ZNF790: variants seen among roughly 807,000 people sequenced by gnomAD.
ZNF790 encodes the protein zinc finger protein 790.
ZNF790 carries 8 observed loss-of-function variants against 12.1 expected under a neutral mutation model. The observed-to-expected ratio is 0.66, with a 90% CI of 0.39 to 1.19. The LOEUF is 1.19. Ranked by LOEUF, ZNF790 falls within the 50% of genes most tolerant of loss-of-function variation. ZNF790 has a pLI of 0.01. For synonymous variants in ZNF790, 252 were observed against 244.3 expected (o/e 1.03, Z -0.29); for missense variants, 707 against 752.2 (o/e 0.94, Z 0.70).
chr19:36,825,472 A>T, intron 2 of ZNF790, 139 bp downstream of exon 2: 1 of 924,216 alleles, frequency 1.1e-6, no homozygotes, highest in South Asian at 1.4e-5. Context: ...ATCTAGGGAA[A>T]GCATTGGACT....
At chr19:36,841,624 A>AAT (rs954268410), upstream of ZNF790, among the ~76,000 whole-genome samples, 47 of 150,022 alleles carry the variant, frequency 3.1e-4, no homozygotes, top group Admixed American at 8.0e-4. Context: ...CATCTCAAAA[A>AAT]ATATATATAT....
At chr19:36,847,641 T>C (rs1469541172) in intron 1 of ZNF790, among the ~76,000 whole-genome samples, 1 of 151,808 alleles carries the variant, frequency 6.6e-6, no homozygotes, top group Non-Finnish European at 1.5e-5. Flanking sequence ...TCCCAGCTAC[T>C]TGGGAGACTG....
Position 36,819,991 on chromosome 19 carries a change from C to G in ZNF790, c.353G>C (p.Arg118Thr), listed in dbSNP as rs745538231. 2 of 1,614,028 alleles carry G rather than the reference C, an allele frequency of 1.2e-6. No homozygotes were observed. Among genetic ancestry groups the G allele is most frequent in the Non-Finnish European group, 1.7e-6 (2 of 1,180,020 alleles). The change falls in exon 5 of 5, where the codon AGA (arginine) becomes ACA (threonine). Residue 118 changes from arginine to threonine, a missense_variant. By Grantham distance (71) the Arg-to-Thr change is moderately conservative (BLOSUM62 -1). Coordinates refer to ENST00000356725, the MANE Select transcript of ZNF790 (RefSeq NM_206894.4). Reference sequence around the variant, plus strand: ...CTGAGTGTTGCCTTCCCAGTCACCTCTAAAACATAAACAGTCAAGGCTGTG... The same window carrying G: ...CTGAGTGTTGCCTTCCCAGTCACCTGTAAAACATAAACAGTCAAGGCTGTG... ...KNHSLDCLCF[R>T]GDWEGNTQFQ...
chr19:36,849,703 G>T (rs1360727744), intron 1 of ZNF790, among the ~76,000 whole-genome samples: 2 of 151,832 alleles, frequency 1.3e-5, no homozygotes, highest in Non-Finnish European at 2.9e-5. Flanking sequence ...AGACTTGGAG[G>T]TTCAGATTCC....
chr19:36,817,609 C>A lies in ZNF790; in HGVS notation c.*824G>T, dbSNP rs1461810543. On this transcript the variant is annotated 3_prime_UTR_variant, in exon 5 of 5. Coordinates refer to ENST00000356725, the MANE Select transcript of ZNF790 (RefSeq NM_206894.4). ...GTCATGTAAATCTCAAATCATTCAA[C>A]CCTTATAATCTAATGAATACGATTA... The A allele has an allele frequency of 1.3e-5, 2 of 151,740 alleles. No homozygotes were observed. The highest frequency in any genetic ancestry group is 1.3e-4 in the Admixed American group (2 of 15,242). 9.4% of individuals were successfully genotyped at this position (151,740 alleles called of 1,614,324 possible).
At chr19:36,845,348 C>T (rs577185491) in intron 1 of ZNF790, among the ~76,000 whole-genome samples, 4 of 149,518 alleles carry the variant, frequency 2.7e-5, no homozygotes, top group East Asian at 2.0e-4. Context: ...CCTGGGAGGT[C>T]GAGGCTGCAG....
intron 1 of ZNF790, among the ~76,000 whole-genome samples, chr19:36,832,586 A>C (rs950415781): frequency 2.0e-5 from 3 of 152,128 alleles, no homozygotes; most frequent in Non-Finnish European, 4.4e-5. Context: ...GTGATCCTCT[A>C]GTCCCTGTTA....
At chr19:36,823,248 A>C (rs779509196) in intron 4 of ZNF790, 37 bp downstream of exon 4, 6 of 1,573,514 alleles carry the variant, frequency 3.8e-6, no homozygotes, top group Non-Finnish European at 5.2e-6. Context: ...GTTATCCACA[A>C]CAATGGCCTC....
chr19:36,836,541 A>G (rs1336329127), intron 1 of ZNF790, among the ~76,000 whole-genome samples: 1 of 152,004 alleles, frequency 6.6e-6, no homozygotes, highest in East Asian at 1.9e-4. Context: ...GGCGGATCAC[A>G]AAGTCAAGAG....
chr19:36,847,963 C>A (rs2072195712), intron 1 of ZNF790, among the ~76,000 whole-genome samples: 1 of 152,172 alleles, frequency 6.6e-6, no homozygotes, highest in African/African-American at 2.4e-5. Context: ...TACCAGACAC[C>A]TATCCTGCTG....
At chr19:36,848,982 G>A (rs1321006756) in intron 1 of ZNF790, among the ~76,000 whole-genome samples, 5 of 152,090 alleles carry the variant, frequency 3.3e-5, no homozygotes, top group African/African-American at 9.7e-5. Flanking sequence ...TAGTAGAGAC[G>A]GGGTTTCACC....
chr19:36,830,493 C>A (rs1302670), intron 1 of ZNF790, among the ~76,000 whole-genome samples: 51,367 of 151,902 alleles, frequency 0.34, 9,454 homozygotes, highest in African/African-American at 0.49. Flanking sequence ...TACTTTGTCT[C>A]GTTTCAGTAT....
At chr19:36,827,141 C>CACACATATATATATATAT (rs1313807327) in intron 1 of ZNF790, among the ~76,000 whole-genome samples, 4 of 84,444 alleles carry the variant, frequency 4.7e-5, no homozygotes, top group Admixed American at 1.4e-4. Context: ...CACACACACA[C>CACACATATATATATATAT]ATATATATAT....
intron 1 of ZNF790, among the ~76,000 whole-genome samples, chr19:36,848,044 TTCAGGTATTTTGCTTC>T (rs1462242137): frequency 2.0e-5 from 3 of 152,320 alleles, no homozygotes; most frequent in South Asian, 2.1e-4. Context: ...CAAATTACTT[TTCAGGTATTTTGCTTC>T]TCAGGTATTT....
intron 1 of ZNF790, among the ~76,000 whole-genome samples, chr19:36,845,406 G>A (rs1411814170): frequency 1.5e-5 from 2 of 135,680 alleles, no homozygotes; most frequent in Non-Finnish European, 3.3e-5. Flanking sequence ...CAGAGTCCCT[G>A]TTTCCAAAAA....
At chr19:36,829,247 G>C (rs972317745) in intron 1 of ZNF790, among the ~76,000 whole-genome samples, 1 of 152,148 alleles carries the variant, frequency 6.6e-6, no homozygotes, top group East Asian at 1.9e-4. Flanking sequence ...ATTTCGAAAA[G>C]AAACTCTAAC....
intron 2 of ZNF790, among the ~76,000 whole-genome samples, chr19:36,825,108 T>C (rs2071769010): frequency 6.6e-6 from 1 of 152,230 alleles, no homozygotes; most frequent in African/African-American, 2.4e-5. Context: ...TATTAACCTT[T>C]CATTAATTTC....
At chr19:36,822,266 A>T (rs2071690066) in intron 4 of ZNF790, among the ~76,000 whole-genome samples, 1 of 152,184 alleles carries the variant, frequency 6.6e-6, no homozygotes, top group Non-Finnish European at 1.5e-5. Flanking sequence ...AAAATAAAAA[A>T]ATGAGGTTAA....
chr19:36,841,402 ATG>A (rs2072128183), upstream of ZNF790, among the ~76,000 whole-genome samples: 1 of 151,988 alleles, frequency 6.6e-6, no homozygotes, highest in Admixed American at 6.6e-5. Flanking sequence ...GGTGGATCGC[ATG>A]AGGTCAGGAG....
Sources: allele counts gnomAD v4.1 joint callset (sites outside exome capture counted in the v4.1 genomes callset), GRCh38; gene constraint gnomAD v4.1.1; transcripts MANE v1.5; gene names NCBI Gene and HGNC (gene_info 2026-07-23, HGNC 2026-07-21).